Variants in RIC8B observed in about 807,000 individuals in gnomAD.
RIC8B encodes chaperone Ric-8B.
Under a neutral mutation model 57.5 loss-of-function variants are expected in RIC8B, and 16 were observed. The ratio of observed to expected loss-of-function variants is 0.28; its 90% CI spans 0.19 to 0.42. RIC8B has a LOEUF of 0.42. RIC8B is among the 10% of genes least tolerant of loss of function. RIC8B has a pLI of 1.00. For synonymous variants in RIC8B, 216 were observed against 250.8 expected (o/e 0.86, Z 1.31); for missense variants, 481 against 677.0 (o/e 0.71, Z 3.21).
At chr12:106,840,168 G>T (rs1199281989) in intron 4 of RIC8B, among the ~76,000 whole-genome samples, 3 of 152,216 alleles carry the variant, frequency 2.0e-5, no homozygotes, top group East Asian at 3.9e-4. Flanking sequence ...AACAGCTATG[G>T]ATCTACGTGT....
intron 2 of RIC8B, among the ~76,000 whole-genome samples, chr12:106,785,228 C>T (rs2043950375): frequency 6.6e-6 from 1 of 152,168 alleles, no homozygotes; most frequent in South Asian, 2.1e-4. Flanking sequence ...TCCAGTTATG[C>T]ACACATCCAC....
rs183594050 is a variant in RIC8B, at chr12:106,845,224, A to G, written c.1161+1277A>G. ...CTGGGTCTCCACCAAGCACTTGAAC[A>G]TGATAAGAGAAAATGACACAACCAT... On this transcript the variant is annotated intron_variant, in intron 6 of 9. Transcript: ENST00000392837. 1.8e-3 allele frequency among the ~76,000 whole-genome samples: 278 copies of G among 152,300 alleles called. 1 individual carries two copies. Among genetic ancestry groups the G allele is most frequent in the African/African-American group, 6.3e-3 (263 of 41,558 alleles).
chr12:106,781,497 C>A (rs1322197961), intron 1 of RIC8B, among the ~76,000 whole-genome samples: 1 of 152,106 alleles, frequency 6.6e-6, no homozygotes, highest in African/African-American at 2.4e-5. Flanking sequence ...TCTATTGGAT[C>A]CAAACACTCT....
chr12:106,807,201 G>A (rs1029295808), intron 2 of RIC8B, among the ~76,000 whole-genome samples: 2 of 152,220 alleles, frequency 1.3e-5, no homozygotes, highest in African/African-American at 4.8e-5. Flanking sequence ...TACAGATTCT[G>A]TATGGTACAT....
chr12:106,879,873 T>C lies in RIC8B; in HGVS notation c.1572-6031T>C. On this transcript the variant is annotated intron_variant, in intron 9 of 9. Transcript: ENST00000392837. The surrounding 1 kb of genome is among the most constrained non-coding windows in gnomAD (Gnocchi z 4.9). ...CACAGTGCCTAGAATGGGCTCTTTA[T>C]CCAGTAGACACCACTGTACTTTTTG... 2.0e-6 allele frequency: 2 copies of C among 985,424 alleles called. No homozygotes were observed. The highest frequency in any genetic ancestry group is 2.4e-6 in the Non-Finnish European group (2 of 829,910). 61.0% of individuals were successfully genotyped at this position (985,424 alleles called of 1,614,324 possible).
At chr12:106,850,109 A>AT (rs1466696226) in intron 6 of RIC8B, among the ~76,000 whole-genome samples, 2 of 152,234 alleles carry the variant, frequency 1.3e-5, no homozygotes, top group Non-Finnish European at 2.9e-5. Context: ...CGAACTGCAC[A>AT]TGCAAGGGAT....
chr12:106,866,669 TTTGC>T (rs1950151935), intron 8 of RIC8B, among the ~76,000 whole-genome samples: 2 of 151,656 alleles, frequency 1.3e-5, no homozygotes, highest in South Asian at 4.2e-4. Context: ...GGTTTGTGGT[TTTGC>T]TTGTTTTACA....
At chr12:106,862,717 T>C (rs1254560214) in intron 8 of RIC8B, among the ~76,000 whole-genome samples, 3 of 152,132 alleles carry the variant, frequency 2.0e-5, no homozygotes, top group African/African-American at 7.2e-5. Flanking sequence ...TCTAGTCCCA[T>C]TGTCAAAACT....
At chr12:106,844,225 A>T (rs1224185423) in intron 6 of RIC8B, among the ~76,000 whole-genome samples, 1 of 152,202 alleles carries the variant, frequency 6.6e-6, no homozygotes, top group East Asian at 1.9e-4. Context: ...GACAAAAAGT[A>T]AACAAATTTA....
At chr12:106,853,715 C>T (rs1053711797) in intron 7 of RIC8B, among the ~76,000 whole-genome samples, 3 of 151,920 alleles carry the variant, frequency 2.0e-5, no homozygotes, top group African/African-American at 7.3e-5. Flanking sequence ...GATCTGCCCA[C>T]CTCGGCCTCC....
At chr12:106,849,390 C>T (rs184413874) in intron 6 of RIC8B, among the ~76,000 whole-genome samples, 411 of 149,876 alleles carry the variant, frequency 2.7e-3, no homozygotes, top group Middle Eastern at 0.01. Context: ...TGGTTTCAAG[C>T]GATCCTCCTG....
intron 2 of RIC8B, 30 bp downstream of exon 2, chr12:106,784,074 T>A: frequency 6.3e-7 from 1 of 1,591,606 alleles, no homozygotes. Flanking sequence ...TGTGAATGTT[T>A]ATGTGTGTGT....
chr12:106,842,622 C>A lies in RIC8B; in HGVS notation c.870C>A (p.Val290=). Residue 290 remains valine (V), a synonymous_variant, in exon 5 of 10, where the codon GTC becomes GTA. Transcript: ENST00000392837. ...TCAACCTTTTAAGCAATGTTCCAGT[C>A]TCTTGTTTGGATGTTCTCATTTGTC... The part of the protein sequence containing the change: ...NAVNLLSNVP[V]SCLDVLICPL... 2 of 1,613,992 alleles carry A rather than the reference C, an allele frequency of 1.2e-6. No individual in the cohort carries two copies. Among genetic ancestry groups the A allele is most frequent in the South Asian group, 2.2e-5 (2 of 91,056 alleles).
At chr12:106,779,209 G>T (rs1043562268) in intron 1 of RIC8B, among the ~76,000 whole-genome samples, 13 of 150,388 alleles carry the variant, frequency 8.6e-5, no homozygotes, top group Non-Finnish European at 1.8e-4. Context: ...CACTGAGCCT[G>T]GCTGGGCATA....
rs764151343 is a variant in RIC8B, at chr12:106,814,884, A to G, written c.321A>G (p.Lys107=). The change falls in exon 3 of 10, where the codon AAA becomes AAG. Residue 107 remains lysine, a synonymous_variant. Coordinates refer to ENST00000392837, the MANE Select transcript of RIC8B (RefSeq NM_001330145.2). ...ATGAGTTAGATGATTCTTTGGAGAA[A>G]GTATCAGAGTTCCCAGTTATTGTGG... The part of the protein sequence containing the change: ...KLNELDDSLE[K]VSEFPVIVES... 3.2e-5 allele frequency: 52 copies of G among 1,614,182 alleles called. No individual in the cohort carries two copies. The South Asian group carries it at 5.1e-4, about 16-fold the overall frequency.
chr12:106,837,152 A>C (rs1213253993), intron 4 of RIC8B, among the ~76,000 whole-genome samples: 2 of 152,218 alleles, frequency 1.3e-5, no homozygotes, highest in African/African-American at 2.4e-5. Context: ...TCACGAGGTC[A>C]GGAGTTCGAG....
intron 6 of RIC8B, among the ~76,000 whole-genome samples, chr12:106,850,064 T>C (rs192759330): frequency 6.6e-6 from 1 of 152,232 alleles, no homozygotes; most frequent in Non-Finnish European, 1.5e-5. Flanking sequence ...TATCAGCTGG[T>C]GCATTAGATT....
At chr12:106,873,767 G>T (rs1950547952) in intron 9 of RIC8B, among the ~76,000 whole-genome samples, 1 of 152,218 alleles carries the variant, frequency 6.6e-6, no homozygotes. Context: ...ATGTAAGCAT[G>T]CAGGAAAAGG....
At chr12:106,880,382 C>T (rs1285512464) in intron 9 of RIC8B, among the ~76,000 whole-genome samples, 1 of 151,954 alleles carries the variant, frequency 6.6e-6, no homozygotes, top group Non-Finnish European at 1.5e-5. Context: ...TTTCATAGCC[C>T]AACACTTAGC....
Sources: allele counts gnomAD v4.1 joint callset (sites outside exome capture counted in the v4.1 genomes callset), GRCh38; gene constraint gnomAD v4.1.1; non-coding constraint Gnocchi (gnomAD v3.1); transcripts MANE v1.5; gene names NCBI Gene and HGNC (gene_info 2026-07-23, HGNC 2026-07-21).